The following KNDC1 variants were observed in gnomAD, a reference collection of about 807,000 sequenced individuals.
KNDC1 encodes the protein kinase non-catalytic C-lobe domain containing 1, also known as kinase non-catalytic C-lobe domain-containing protein 1.
In KNDC1, 106 loss-of-function variants were observed where a neutral mutation model predicts 172.8. The ratio of observed to expected loss-of-function variants is 0.61; its 90% CI spans 0.52 to 0.72. The LOEUF is 0.72. Among genes scored for constraint, KNDC1 ranks in the 30% least tolerant of loss-of-function variants. The probability of loss-of-function intolerance (pLI) is 0.00; values close to 1 mark genes in which losing one functional copy is unlikely to be tolerated. For synonymous variants in KNDC1, 1,083 were observed against 1,062.2 expected, an observed-to-expected ratio of 1.02 and a Z score of -0.38; for missense variants, 2,325 against 2,394.5, an observed-to-expected ratio of 0.97 and a Z score of 0.61.
At position 133,198,512 on chromosome 10, in the gene KNDC1, C is replaced by G; in HGVS notation, c.2069+13C>G. On this transcript the variant is annotated intron_variant, in intron 13 of 29. Transcript: ENST00000304613. The stretch of plus-strand genomic sequence containing the variant: ...CAAGTGTGGCCAGGTGAGCATCGTC[C>G]CCACACCCCGGAGCTGCTGGGTCCC... The G allele has an allele frequency of 6.3e-7, 1 of 1,594,214 alleles. No individual in the cohort carries two copies. The highest frequency in any genetic ancestry group is 8.6e-7 in the Non-Finnish European group (1 of 1,166,932).
intron 15 of KNDC1, 121 bp from the exon 16 acceptor site, chr10:133,200,254 C>T: frequency 1.5e-6 from 1 of 654,694 alleles, no homozygotes; most frequent in Non-Finnish European, 2.4e-6. Flanking sequence ...GAGGGGTGAG[C>T]TCCTGCCGCC....
At chr10:133,199,725 TC>T in intron 15 of KNDC1, 123 bp downstream of exon 15, 1 of 1,137,306 alleles carries the variant, frequency 8.8e-7, no homozygotes, top group Non-Finnish European at 1.2e-6. Context: ...CGCTGCTGTC[TC>T]CAGAGGGGCT....
rs1398468646 is a variant in KNDC1, at chr10:133,160,330, C to T, written c.-138C>T. On this transcript the variant is annotated 5_prime_UTR_variant, in exon 1 of 30. Transcript: ENST00000304613. The stretch of plus-strand genomic sequence containing the variant: ...CGCCCCGTATCCCTGACCGCGTCCC[C>T]TGGAGACACTGCGGCAGCGGCGGGC... 3.8e-6 allele frequency: 1 copy of T among 264,644 alleles called. No individual in the cohort carries two copies. Among genetic ancestry groups the T allele is most frequent in the Non-Finnish European group, 6.5e-6 (1 of 154,192 alleles). The allele number at this position is 264,644 out of a possible 1,614,324, so 16.4% of individuals were successfully genotyped here.
chr10:133,186,165 C>G lies in KNDC1; in HGVS notation c.817C>G (p.His273Asp), dbSNP rs867919844. ...CACCCCGGTGAGAAATGGCGAGAGC[C>G]ACAGCCGGGAGGGGCTGGCCGGCCT... ...LSTPVRNGES[H>D]SREGLAGLVL... The change falls in exon 6 of 30, where the codon CAC (histidine) becomes GAC (aspartate). Residue 273 changes from histidine to aspartate, a missense_variant. Physicochemically the swap from His to Asp is moderately conservative, Grantham distance 81. Coordinates refer to ENST00000304613, the MANE Select transcript of KNDC1 (RefSeq NM_152643.8). The G allele has an allele frequency of 1.3e-5, 20 of 1,580,528 alleles. No homozygotes were observed. The highest frequency in any genetic ancestry group is 1.7e-5 in the Non-Finnish European group (20 of 1,163,042).
chr10:133,160,283 C>T lies in KNDC1; in HGVS notation c.-185C>T, dbSNP rs1591208092. ...CGCCGCGCAGCCCCCGCGCACCCCG[C>T]GCCCCCCGCGCCCCCCGGGCCCGCC... On this transcript the variant is annotated 5_prime_UTR_variant, in exon 1 of 30. Transcript: ENST00000304613. 3.2e-5 allele frequency among the ~76,000 whole-genome samples: 3 copies of T among 94,474 alleles called. No individual in the cohort carries two copies. The highest frequency in any genetic ancestry group is 2.6e-5 in the Non-Finnish European group (1 of 37,966). 62.0% of individuals were successfully genotyped at this position (94,474 alleles called of 152,430 possible).
chr10:133,217,905 T>C (rs1181137812), intron 26 of KNDC1, among the ~76,000 whole-genome samples: 2 of 151,876 alleles, frequency 1.3e-5, no homozygotes, highest in Admixed American at 6.6e-5. Flanking sequence ...GGAAACCCTG[T>C]CTCCACTAAA....
At chr10:133,201,023 A>G (rs1854348364) in intron 16 of KNDC1, among the ~76,000 whole-genome samples, 1 of 152,170 alleles carries the variant, frequency 6.6e-6, no homozygotes, top group African/African-American at 2.4e-5. Flanking sequence ...AGTTCCTATC[A>G]AGTCGGAGAC....
chr10:133,199,573 G>A lies in KNDC1; in HGVS notation c.2874G>A (p.Val958=), dbSNP rs1410566031. ...AGTTGCTGCAGAACCTCTTTAAGGT[G>A]GTCAACGGGCAGGCGTCACCCTCCC... ...DEKLLQNLFK[V]VNGQASPSPS... Residue 958 remains valine, a synonymous_variant, in exon 15 of 30, where the codon GTG becomes GTA. Transcript: ENST00000304613. The A allele has an allele frequency of 1.5e-5, 24 of 1,613,548 alleles. No homozygotes were observed. Among genetic ancestry groups the A allele is most frequent in the Non-Finnish European group, 1.9e-5 (23 of 1,179,960 alleles).
intron 16 of KNDC1, among the ~76,000 whole-genome samples, chr10:133,201,055 G>A (rs992338596): frequency 2.0e-4 from 30 of 152,372 alleles, no homozygotes; most frequent in African/African-American, 7.0e-4. Flanking sequence ...GCTGGGGCAT[G>A]AGGCCCGTGC....
chr10:133,167,728 G>A (rs1456207950), intron 2 of KNDC1, 149 bp downstream of exon 2: 3 of 931,862 alleles, frequency 3.2e-6, no homozygotes, highest in South Asian at 1.6e-5. Flanking sequence ...TCCTTGGGAG[G>A]GACTCAGGCT....
intron 26 of KNDC1, among the ~76,000 whole-genome samples, chr10:133,217,826 C>T (rs1374773912): frequency 2.0e-5 from 3 of 152,056 alleles, no homozygotes; most frequent in Admixed American, 6.5e-5. Context: ...TCTGTAATCC[C>T]AGCACTTTGG....
intron 3 of KNDC1, among the ~76,000 whole-genome samples, chr10:133,174,905 A>G (rs970107414): frequency 6.8e-6 from 1 of 146,744 alleles, no homozygotes. Context: ...ATGTGAATGG[A>G]TAGGTGGATG....
At chr10:133,162,697 G>C (rs766536363) in intron 1 of KNDC1, among the ~76,000 whole-genome samples, 1 of 152,366 alleles carries the variant, frequency 6.6e-6, no homozygotes, top group East Asian at 1.9e-4. Flanking sequence ...ACTGAAGAGC[G>C]GACAGCGGCT....
chr10:133,219,360 G>A (rs1169196808), intron 28 of KNDC1, among the ~76,000 whole-genome samples: 1 of 152,242 alleles, frequency 6.6e-6, no homozygotes, highest in African/African-American at 2.4e-5. Flanking sequence ...CAGCACTGAG[G>A]TCTGTGGCTG....
chr10:133,222,444 GGCGT>G (rs1461519798), intron 29 of KNDC1, among the ~76,000 whole-genome samples: 6 of 96,262 alleles, frequency 6.2e-5, no homozygotes, highest in Admixed American at 1.1e-4. Flanking sequence ...TGCTCTTCCC[GGCGT>G]GTGTGTGTGT....
rs566265283 is a variant in KNDC1 at position 133,216,699 on chromosome 10, G to A, written c.4678-2132G>A. On this transcript the variant is annotated intron_variant, in intron 26 of 29. Coordinates refer to ENST00000304613, the MANE Select transcript of KNDC1 (RefSeq NM_152643.8). ...AAAAAATAAAAAATAAAAATGGGGA[G>A]TTTGAAAGCAGAATAGGGCTTTGGT... Among the ~76,000 whole-genome samples, 3 of 152,250 alleles carry A rather than the reference G, an allele frequency of 2.0e-5. No individual in the cohort carries two copies. In the East Asian group the frequency reaches 5.8e-4, roughly 29 times the overall value.
In KNDC1 at chr10:133,201,551, C is replaced by G. The variant is rs1156667595; in HGVS notation, c.3040C>G (p.Pro1014Ala). The G allele has an allele frequency of 6.2e-7, 1 of 1,611,534 alleles. No individual in the cohort carries two copies. The highest frequency in any genetic ancestry group is 8.5e-7 in the Non-Finnish European group (1 of 1,179,538). Reference protein sequence around the residue: ...ARTSSRAPCSPTSVSDVDSDA... With the variant: ...ARTSSRAPCSATSVSDVDSDA... ...GACCAGCAGCAGGGCCCCCTGCTCA[C>G]CCACCTCGGTGTCGGATGTGGACTC... Residue 1014 changes from proline (P) to alanine (A), a missense_variant, in exon 17 of 30, where the codon CCC (proline) becomes GCC (alanine). Coordinates refer to ENST00000304613, the MANE Select transcript of KNDC1 (RefSeq NM_152643.8).
chr10:133,182,179 G>A (rs1186681732), intron 3 of KNDC1, among the ~76,000 whole-genome samples: 1 of 152,186 alleles, frequency 6.6e-6, no homozygotes, highest in Non-Finnish European at 1.5e-5. Flanking sequence ...TTTCTGTGAA[G>A]ACTGGATGCT....
chr10:133,198,313 A>T, intron 12 of KNDC1, 24 bp from the exon 13 acceptor site: 1 of 1,539,672 alleles, frequency 6.5e-7, no homozygotes, highest in Non-Finnish European at 8.7e-7. Flanking sequence ...GCCCGCCCAC[A>T]CCCTCAGCCC....
Sources: gnomAD v4.1 joint callset for allele counts (sites outside exome capture counted in the v4.1 genomes callset) on GRCh38, gnomAD v4.1.1 for gene constraint, MANE v1.5 for transcripts, NCBI Gene and HGNC (gene_info 2026-07-23, HGNC 2026-07-21) for gene names.